CFAP99: variants seen among roughly 807,000 people sequenced by gnomAD.
CFAP99 encodes the protein cilia and flagella associated protein 99, also known as cilia- and flagella-associated protein 99.
In CFAP99, 84 loss-of-function variants were observed where a neutral mutation model predicts 82.7. The observed-to-expected ratio is 1.02, with a 90% CI of 0.85 to 1.22. The LOEUF is 1.22. Ranked by LOEUF, CFAP99 falls within the 50% of genes most tolerant of loss-of-function variation. The pLI is 0.00. For synonymous variants in CFAP99, 456 were observed against 429.5 expected, an observed-to-expected ratio of 1.06 and a Z score of -0.76; for missense variants, 1,059 against 983.5, an observed-to-expected ratio of 1.08 and a Z score of -1.03.
At chr4:2,445,250 C>G in exon 6 of CFAP99, 1 of 1,442,322 alleles carries the variant, frequency 6.9e-7, no homozygotes, top group Non-Finnish European at 9.1e-7. Context: ...CTGACTGCCC[C>G]CAGGCCCCGC....
chr4:2,441,224 T>C (rs2108723744), intron 4 of CFAP99, among the ~76,000 whole-genome samples: 1 of 151,356 alleles, frequency 6.6e-6, no homozygotes, highest in East Asian at 1.9e-4. Flanking sequence ...TAGAAAAAAA[T>C]TAGCCGGTCA....
chr4:2,445,058 A>G, intron 5 of CFAP99, 73 bp from the exon 6 acceptor site: 1 of 1,136,292 alleles, frequency 8.8e-7, no homozygotes, highest in Non-Finnish European at 1.1e-6. Context: ...AGCCCTCTGG[A>G]TCCTAAAGGC....
intron 11 of CFAP99, among the ~76,000 whole-genome samples, chr4:2,457,373 C>T (rs1287096035): frequency 6.6e-6 from 1 of 152,194 alleles, no homozygotes; most frequent in Non-Finnish European, 1.5e-5. Context: ...TTGAAGGTGC[C>T]AGTGCAGGTA....
intron 2 of CFAP99, among the ~76,000 whole-genome samples, chr4:2,430,559 G>T (rs1316469200): frequency 6.6e-6 from 1 of 151,432 alleles, no homozygotes; most frequent in Admixed American, 6.6e-5. Context: ...AGAAAATTAC[G>T]CAATACGTAA....
chr4:2,429,813 G>C (rs757612971), intron 2 of CFAP99, among the ~76,000 whole-genome samples: 3 of 152,122 alleles, frequency 2.0e-5, no homozygotes, highest in African/African-American at 7.2e-5. Flanking sequence ...GAATGGTCTT[G>C]ATCTCCTGAC....
At chr4:2,436,874 G>A (rs1346224948) in exon 3 of CFAP99, 1 of 1,535,914 alleles carries the variant, frequency 6.5e-7, no homozygotes, top group Non-Finnish European at 8.7e-7. Flanking sequence ...TCTCTTCCAG[G>A]CTCTGAGCCC....
chr4:2,419,789 G>C (rs940871458), intron 1 of CFAP99, among the ~76,000 whole-genome samples: 7 of 152,012 alleles, frequency 4.6e-5, no homozygotes, highest in Non-Finnish European at 8.8e-5. Context: ...TTATTTTTGA[G>C]TAACTGATTG....
At chr4:2,429,662 G>A (rs1170565671) in intron 2 of CFAP99, among the ~76,000 whole-genome samples, 1 of 150,360 alleles carries the variant, frequency 6.7e-6, no homozygotes, top group East Asian at 2.0e-4. Context: ...CGCCATCTCT[G>A]CTCACTGCAA....
chr4:2,459,766 G>A (rs964933154), intron 13 of CFAP99, among the ~76,000 whole-genome samples: 17 of 152,214 alleles, frequency 1.1e-4, no homozygotes, highest in Admixed American at 2.0e-4. Flanking sequence ...CCCAGGCCCC[G>A]AAGCCTGGCT....
exon 3 of CFAP99, chr4:2,437,007 G>T: frequency 6.5e-7 from 1 of 1,536,072 alleles, no homozygotes; most frequent in Non-Finnish European, 8.7e-7. Context: ...GTTGACCACA[G>T]CCGCTTCGAG....
At chr4:2,420,864 A>G (rs1468539431) in intron 1 of CFAP99, among the ~76,000 whole-genome samples, 1 of 152,176 alleles carries the variant, frequency 6.6e-6, no homozygotes, top group East Asian at 1.9e-4. Context: ...ACCAGCTGCA[A>G]AAGAGAAGAT....
chr4:2,450,252 G>A (rs983754630), intron 8 of CFAP99: 3 of 558,892 alleles, frequency 5.4e-6, no homozygotes, highest in Non-Finnish European at 9.7e-6. Context: ...GCACCTGCAG[G>A]TGCTGCCTCT....
intron 13 of CFAP99, among the ~76,000 whole-genome samples, 161 bp downstream of exon 13, chr4:2,459,419 G>A (rs979915374): frequency 6.6e-6 from 1 of 152,216 alleles, no homozygotes; most frequent in Non-Finnish European, 1.5e-5. Context: ...TGTGCCGCGG[G>A]CCTGGGTCTG....
exon 10 of CFAP99, chr4:2,451,290 C>T: frequency 1.3e-6 from 2 of 1,536,064 alleles, no homozygotes; most frequent in Non-Finnish European, 1.7e-6. Context: ...TCAAGCTGAA[C>T]ACCACAGCCA....
intron 2 of CFAP99, among the ~76,000 whole-genome samples, chr4:2,429,968 G>T (rs1052679870): frequency 3.3e-5 from 5 of 152,332 alleles, no homozygotes; most frequent in African/African-American, 1.2e-4. Context: ...TGGACAACTC[G>T]CTTTCCTCTC....
At chr4:2,456,267 A>T (rs1734430843) in intron 11 of CFAP99, among the ~76,000 whole-genome samples, 1 of 152,056 alleles carries the variant, frequency 6.6e-6, no homozygotes, top group African/African-American at 2.4e-5. Flanking sequence ...TCCCAGCCTT[A>T]TGTGATCCAC....
At chr4:2,426,803 C>T (rs1345041497) in intron 2 of CFAP99, 6 of 547,538 alleles carry the variant, frequency 1.1e-5, no homozygotes, top group Admixed American at 6.1e-5. Context: ...AAGCCTTGGC[C>T]GGGACCCGGG....
At chr4:2,445,206 C>T in exon 6 of CFAP99, 4 of 1,461,646 alleles carry the variant, frequency 2.7e-6, no homozygotes, top group Non-Finnish European at 3.6e-6. Context: ...CTTTAAAGAC[C>T]AAGGCCAAGG....
intron 2 of CFAP99, among the ~76,000 whole-genome samples, chr4:2,432,243 C>G (rs554937797): frequency 6.6e-6 from 1 of 152,214 alleles, no homozygotes; most frequent in Non-Finnish European, 1.5e-5. Flanking sequence ...GAAAGGCAAA[C>G]AGTATAAGGC....
Sources: gnomAD v4.1 joint callset for allele counts (sites outside exome capture counted in the v4.1 genomes callset) on GRCh38, gnomAD v4.1.1 for gene constraint, MANE v1.5 for transcripts, NCBI Gene and HGNC (gene_info 2026-07-23, HGNC 2026-07-21) for gene names.